The following PHIP variants were observed in gnomAD, a reference collection of about 807,000 sequenced individuals.
PHIP encodes PHIP subunit of CUL4-Ring ligase complex.
Under a neutral mutation model 236.8 loss-of-function variants are expected in PHIP, and 54 were observed. The ratio of observed to expected loss-of-function variants is 0.23; its 90% CI spans 0.18 to 0.29. The LOEUF (loss-of-function observed/expected upper bound fraction) is 0.29. Among genes scored for constraint, PHIP ranks in the 10% least tolerant of loss-of-function variants. PHIP has a pLI of 1.00. For synonymous variants in PHIP, 756 were observed against 718.9 expected (o/e 1.05, Z -0.83); for missense variants, 1,370 against 2,190.8 (o/e 0.63, Z 7.48).
chr6:79,077,541 C>G, intron 3 of PHIP, 34 bp from the exon 4 acceptor site: 1 of 1,383,326 alleles, frequency 7.2e-7, no homozygotes. Context: ...AGCCCGGCCC[C>G]CGGCCCCTAC....
At chr6:78,983,177 A>G in intron 22 of PHIP, 60 bp from the exon 23 acceptor site, 1 of 847,578 alleles carries the variant, frequency 1.2e-6, no homozygotes, top group East Asian at 2.7e-5. Context: ...GACTTGTTTT[A>G]TAAAAACGAA....
chr6:79,054,864 T>C (rs931679887), intron 6 of PHIP, among the ~76,000 whole-genome samples: 1 of 151,964 alleles, frequency 6.6e-6, no homozygotes, highest in Non-Finnish European at 1.5e-5. Flanking sequence ...CATCTAGCTT[T>C]AAGTGACTGT....
At chr6:78,988,579 C>G (rs898018311) in intron 20 of PHIP, among the ~76,000 whole-genome samples, 7 of 152,082 alleles carry the variant, frequency 4.6e-5, no homozygotes, top group African/African-American at 1.7e-4. Context: ...TTTATCCTAA[C>G]ATACAACAAC....
intron 6 of PHIP, among the ~76,000 whole-genome samples, chr6:79,048,384 C>A (rs1340421824): frequency 1.3e-5 from 2 of 151,980 alleles, no homozygotes; most frequent in African/African-American, 4.8e-5. Context: ...AAGGTAGCTG[C>A]CATAAAAGAG....
In PHIP at chr6:79,078,233, C is replaced by T. The variant is rs762990893; in HGVS notation, c.-165G>A. On this transcript the variant is annotated 5_prime_UTR_variant, in exon 1 of 40. Coordinates refer to ENST00000275034, the MANE Select transcript of PHIP (RefSeq NM_017934.7). ...GAGGCGGAGGAGGAGGAGGAGGAAA[C>T]AACAACTCTCAGGCAGCGACTACGG... The T allele has an allele frequency of 3.2e-6, 2 of 632,972 alleles. No individual in the cohort carries two copies. The highest frequency in any genetic ancestry group is 5.5e-6 in the Non-Finnish European group (2 of 365,410). 39.2% of individuals were successfully genotyped at this position (632,972 alleles called of 1,614,324 possible).
intron 7 of PHIP, among the ~76,000 whole-genome samples, chr6:79,040,246 G>A (rs1772140983): frequency 6.6e-6 from 1 of 152,062 alleles, no homozygotes; most frequent in South Asian, 2.1e-4. Flanking sequence ...AAGAGATGAG[G>A]TAATCTGTCA....
rs529627253 is a variant in PHIP at position 78,966,624 on chromosome 6, CAG to C, written c.3206-570_3206-569del. Among the ~76,000 whole-genome samples the C allele has an allele frequency of 1.8e-3, 269 of 152,262 alleles. 1 individual carries two copies. The highest frequency in any genetic ancestry group is 0.017 in the Middle Eastern group (5 of 294). ...AATAAAACAACTATTCTTTTTAAAA[CAG>C]AGGACACTCCTTGTGTCTATTTCCT... On this transcript the variant is annotated intron_variant, in intron 27 of 39. Transcript: ENST00000275034.
chr6:78,935,520 C>T lies in PHIP; in HGVS notation c.*5173G>A, dbSNP rs764689514. On this transcript the variant is annotated 3_prime_UTR_variant, in exon 40 of 40. Coordinates refer to ENST00000275034, the MANE Select transcript of PHIP (RefSeq NM_017934.7). ...GTGTTCCACTGAAATGTATCTCTTA[C>T]GAAAGTATCTGAATAGTGAAGTATT... 84 of 977,164 alleles carry T rather than the reference C, an allele frequency of 8.6e-5. No individual in the cohort carries two copies. The highest frequency in any genetic ancestry group is 1.1e-4 in the East Asian group (1 of 8,790). 60.5% of individuals were successfully genotyped at this position (977,164 alleles called of 1,614,324 possible). A position where few individuals can be genotyped will look rare whatever the true frequency, so the allele number is the denominator to read the frequency against.
At chr6:79,011,427 A>C (rs1287957292) in intron 15 of PHIP, among the ~76,000 whole-genome samples, 1 of 151,856 alleles carries the variant, frequency 6.6e-6, no homozygotes, top group Non-Finnish European at 1.5e-5. Context: ...CAACAACAAA[A>C]AGAACCACAA....
At position 78,978,601 on chromosome 6, in the gene PHIP, C is replaced by T; in HGVS notation, c.2880G>A (p.Met960Ile). 2 of 1,590,336 alleles carry T rather than the reference C, an allele frequency of 1.3e-6. No individual in the cohort carries two copies. Among genetic ancestry groups the T allele is most frequent in the Non-Finnish European group, 1.7e-6 (2 of 1,164,014 alleles). ...AAAACTTTTAAAGTACCTCATCACC[C>T]ATCTGTGGCACAAATGGACATCTTC... ...IPRRCPFVPQ[M>I]GDEVYYFRQG... Residue 960 changes from methionine to isoleucine, a missense_variant, in exon 24 of 40, where the codon ATG becomes ATA. Physicochemically the swap from Met to Ile is conservative, Grantham distance 10. This residue lies in a region of PHIP where 238 missense variants were observed against 398.5 expected (regional missense o/e 0.60). Coordinates refer to ENST00000275034, the MANE Select transcript of PHIP (RefSeq NM_017934.7).
In PHIP at chr6:79,042,750, A is replaced by T. The variant is rs549963831; in HGVS notation, c.600+93T>A. On this transcript the variant is annotated intron_variant, in intron 7 of 39. Coordinates refer to ENST00000275034, the MANE Select transcript of PHIP (RefSeq NM_017934.7). Reference sequence around the variant, plus strand: ...TGAATTTCCGGTTTCCTATTAAAAGAAAAAAAAGCAAGGTTTTACTTCAAG... The same window carrying T: ...TGAATTTCCGGTTTCCTATTAAAAGTAAAAAAAGCAAGGTTTTACTTCAAG... 6.4e-4 allele frequency: 589 copies of T among 916,298 alleles called. 8 individuals carry two copies. In the South Asian group the frequency reaches 6.5e-3, roughly 10 times the overall value. 56.8% of individuals were successfully genotyped at this position (916,298 alleles called of 1,614,324 possible).
intron 39 of PHIP, 58 bp downstream of exon 39, chr6:78,945,242 A>G: frequency 7.9e-7 from 1 of 1,267,218 alleles, no homozygotes. Flanking sequence ...GATTCCAACA[A>G]AAGCATTATT....
intron 4 of PHIP, among the ~76,000 whole-genome samples, chr6:79,063,476 G>T (rs966078684): frequency 6.6e-6 from 1 of 152,158 alleles, no homozygotes; most frequent in Non-Finnish European, 1.5e-5. Flanking sequence ...GAGTACAATG[G>T]CGGGATCTCG....
chr6:78,935,452 T>C lies in PHIP; in HGVS notation c.*5241A>G. The C allele has an allele frequency of 1.0e-6, 1 of 958,254 alleles. No individual in the cohort carries two copies. The highest frequency in any genetic ancestry group is 1.2e-6 in the Non-Finnish European group (1 of 805,620). The allele number at this position is 958,254 out of a possible 1,614,324, so 59.4% of individuals were successfully genotyped here. On this transcript the variant is annotated 3_prime_UTR_variant, in exon 40 of 40. Coordinates refer to ENST00000275034, the MANE Select transcript of PHIP (RefSeq NM_017934.7). ...AATAACCTTCTTTCCATCATTCCTT[T>C]TTTCCCAGAAATTGCACATTTTTGA...
intron 20 of PHIP, among the ~76,000 whole-genome samples, chr6:78,989,784 A>G (rs1309875719): frequency 6.6e-6 from 1 of 152,212 alleles, no homozygotes; most frequent in Non-Finnish European, 1.5e-5. Flanking sequence ...CAAGCAATAC[A>G]AACTCTCATC....
chr6:79,027,125 G>C (rs1195113845), intron 7 of PHIP, among the ~76,000 whole-genome samples: 1 of 152,028 alleles, frequency 6.6e-6, no homozygotes, highest in Admixed American at 6.6e-5. Flanking sequence ...GACCTATGGA[G>C]GCATATAATT....
intron 4 of PHIP, among the ~76,000 whole-genome samples, chr6:79,061,272 G>C (rs1234593354): frequency 2.0e-5 from 3 of 152,032 alleles, no homozygotes; most frequent in East Asian, 1.9e-4. Flanking sequence ...AAATACTATT[G>C]TATTACTTCA....
chr6:79,019,849 T>C (rs1771024507), intron 9 of PHIP, among the ~76,000 whole-genome samples: 1 of 152,122 alleles, frequency 6.6e-6, no homozygotes, highest in Non-Finnish European at 1.5e-5. Flanking sequence ...ATATTAAATG[T>C]TTAATGTTAC....
chr6:79,031,132 C>T (rs371344884), intron 7 of PHIP, among the ~76,000 whole-genome samples: 33 of 152,160 alleles, frequency 2.2e-4, no homozygotes, highest in African/African-American at 7.9e-4. Flanking sequence ...TTAGTAGAGG[C>T]AGGGTTTCAC....
Sources: allele counts gnomAD v4.1 joint callset (sites outside exome capture counted in the v4.1 genomes callset), GRCh38; gene constraint gnomAD v4.1.1; regional missense constraint gnomAD v4.1.1; transcripts MANE v1.5; gene names NCBI Gene and HGNC (gene_info 2026-07-23, HGNC 2026-07-21).